ATP8B4: variants seen among roughly 807,000 people sequenced by gnomAD.
The protein encoded by ATP8B4 is ATPase phospholipid transporting 8B4 (putative).
Under a neutral mutation model 145.6 loss-of-function variants are expected in ATP8B4, and 133 were observed. The ratio of observed to expected loss-of-function variants is 0.91; its 90% CI spans 0.79 to 1.05. ATP8B4 has a LOEUF of 1.05. Among genes scored for constraint, ATP8B4 ranks in the 50% least tolerant of loss-of-function variants. ATP8B4 has a pLI of 0.00. For synonymous variants in ATP8B4, 507 were observed against 492.9 expected (o/e 1.03, Z -0.38); for missense variants, 1,458 against 1,425.2 (o/e 1.02, Z -0.37).
intron 1 of ATP8B4, among the ~76,000 whole-genome samples, chr15:50,144,410 A>T (rs1478442302): frequency 6.6e-6 from 1 of 152,244 alleles, no homozygotes; most frequent in Non-Finnish European, 1.5e-5. Flanking sequence ...ACTCACAGTT[A>T]CGCATGGCTG....
At chr15:50,156,984 GA>G (rs1467518251) in intron 1 of ATP8B4, among the ~76,000 whole-genome samples, 4 of 152,140 alleles carry the variant, frequency 2.6e-5, no homozygotes, top group African/African-American at 9.7e-5. Flanking sequence ...GCAAGGGAAA[GA>G]GCCAAATCAC....
At chr15:49,975,661 G>C (rs1170340741) in intron 12 of ATP8B4, among the ~76,000 whole-genome samples, 2 of 152,092 alleles carry the variant, frequency 1.3e-5, no homozygotes, top group African/African-American at 4.8e-5. Flanking sequence ...TTTTTAAATT[G>C]TTGTTGTCTA....
At position 50,080,591 on chromosome 15, in the gene ATP8B4, G is replaced by T. The variant is rs564533274; in HGVS notation, c.29-6406C>A. Among the ~76,000 whole-genome samples, 14 of 151,894 alleles carry T rather than the reference G, an allele frequency of 9.2e-5. No homozygotes were observed. The South Asian group carries it at 2.5e-3, about 27-fold the overall frequency. On this transcript the variant is annotated intron_variant, in intron 2 of 27. Transcript: ENST00000284509. ...GATGAGAGGGACATAATACTATCTT[G>T]CTAGAATTTTTTTTTTTAATAAGTA...
chr15:50,133,134 C>T (rs1240194080), intron 1 of ATP8B4, among the ~76,000 whole-genome samples: 2 of 152,110 alleles, frequency 1.3e-5, no homozygotes, highest in Non-Finnish European at 2.9e-5. Flanking sequence ...AAGTTTTGTA[C>T]ATACAATGGA....
intron 1 of ATP8B4, among the ~76,000 whole-genome samples, chr15:50,147,480 A>C (rs2044293519): frequency 6.6e-6 from 1 of 152,070 alleles, no homozygotes; most frequent in Admixed American, 6.6e-5. Context: ...AGAGCCTAGA[A>C]GCAATAACCC....
intron 20 of ATP8B4, chr15:49,907,976 C>A: frequency 2.2e-6 from 1 of 451,662 alleles, no homozygotes. Flanking sequence ...AAGTGCACAG[C>A]CTCTGGGACC....
intron 6 of ATP8B4, chr15:50,018,785 G>T: frequency 1.8e-6 from 1 of 542,528 alleles, no homozygotes; most frequent in Non-Finnish European, 2.9e-6. Context: ...TGTCTTCTCA[G>T]AATCATAATT....
At chr15:50,017,706 C>T (rs1290480030) in intron 6 of ATP8B4, among the ~76,000 whole-genome samples, 1 of 152,168 alleles carries the variant, frequency 6.6e-6, no homozygotes, top group Non-Finnish European at 1.5e-5. Flanking sequence ...TAATACAAGC[C>T]ATAGCAACAC....
Position 50,074,197 on chromosome 15 carries a change from G to C in ATP8B4, c.29-12C>G. 1 of 1,604,512 alleles carries C rather than the reference G, an allele frequency of 6.2e-7. No individual in the cohort carries two copies. The highest frequency in any genetic ancestry group is 8.5e-7 in the Non-Finnish European group (1 of 1,174,020). On this transcript the variant is annotated splice_polypyrimidine_tract_variant and intron_variant, in intron 2 of 27. Transcript: ENST00000284509. ...TATCCGTTCCACTTCTAAAGAGAGA[G>C]AAATCAAGTATGAAATTAAATTGTA... is the stretch of plus-strand genomic sequence containing the variant.
intron 1 of ATP8B4, among the ~76,000 whole-genome samples, chr15:50,139,209 T>A (rs966343157): frequency 4.6e-5 from 7 of 152,126 alleles, no homozygotes. Flanking sequence ...AATGACAGAC[T>A]GGATAAAGAA....
At chr15:50,058,548 C>T (rs1306207039) in intron 3 of ATP8B4, among the ~76,000 whole-genome samples, 1 of 152,206 alleles carries the variant, frequency 6.6e-6, no homozygotes, top group African/African-American at 2.4e-5. Context: ...GCACACGATA[C>T]ACAGTCTAAT....
intron 6 of ATP8B4, among the ~76,000 whole-genome samples, chr15:50,036,892 C>A (rs1052811056): frequency 6.6e-6 from 1 of 152,182 alleles, no homozygotes; most frequent in Non-Finnish European, 1.5e-5. Flanking sequence ...GGATCGGCAA[C>A]AATGCTTTTC....
intron 17 of ATP8B4, among the ~76,000 whole-genome samples, chr15:49,922,664 A>C (rs2040368904): frequency 6.6e-6 from 1 of 152,236 alleles, no homozygotes; most frequent in Non-Finnish European, 1.5e-5. Context: ...AGATGCCCTT[A>C]AATGGAACCA....
intron 5 of ATP8B4, among the ~76,000 whole-genome samples, 177 bp from the exon 6 acceptor site, chr15:50,039,006 C>G (rs528704511): frequency 6.6e-6 from 1 of 152,272 alleles, no homozygotes; most frequent in East Asian, 1.9e-4. Context: ...AAATCAAAAC[C>G]CTTCTCACTA....
intron 6 of ATP8B4, among the ~76,000 whole-genome samples, chr15:50,028,033 T>G (rs1008929058): frequency 9.2e-5 from 14 of 152,208 alleles, no homozygotes; most frequent in African/African-American, 1.7e-4. Flanking sequence ...TCTCCATCAT[T>G]AGAGTCCATT....
intron 3 of ATP8B4, among the ~76,000 whole-genome samples, chr15:50,067,204 C>G (rs1023235240): frequency 1.3e-5 from 2 of 152,144 alleles, no homozygotes; most frequent in African/African-American, 4.8e-5. Flanking sequence ...ACCCAACTTA[C>G]GTTCTGTGTT....
intron 1 of ATP8B4, among the ~76,000 whole-genome samples, chr15:50,124,498 C>G (rs982862366): frequency 6.6e-6 from 1 of 151,844 alleles, no homozygotes; most frequent in South Asian, 2.1e-4. Context: ...GATAGAGACC[C>G]GGATTTAGAA....
At chr15:49,908,431 T>TCTGG (rs1035239786) in intron 20 of ATP8B4, among the ~76,000 whole-genome samples, 12 of 152,300 alleles carry the variant, frequency 7.9e-5, no homozygotes, top group African/African-American at 2.9e-4. Context: ...AGGCATCCTG[T>TCTGG]CTGGCTGGGA....
chr15:49,961,335 T>A (rs1040169522), intron 14 of ATP8B4, among the ~76,000 whole-genome samples: 2 of 152,214 alleles, frequency 1.3e-5, no homozygotes, highest in African/African-American at 4.8e-5. Context: ...CAGACACTCT[T>A]ACACTTGTTT....
Sources: gnomAD v4.1 joint callset for allele counts (sites outside exome capture counted in the v4.1 genomes callset) on GRCh38, gnomAD v4.1.1 for gene constraint, MANE v1.5 for transcripts, NCBI Gene and HGNC (gene_info 2026-07-23, HGNC 2026-07-21) for gene names.